Variants in ZCWPW2 observed in about 807,000 individuals in gnomAD.
ZCWPW2 encodes zinc finger CW-type and PWWP domain containing 2, also known as zinc finger CW-type PWWP domain protein 2.
In ZCWPW2, 45 loss-of-function variants were observed where a neutral mutation model predicts 46.6. The ratio of observed to expected loss-of-function variants is 0.96; its 90% CI spans 0.76 to 1.24. ZCWPW2 has a LOEUF of 1.24. Among genes scored for constraint, ZCWPW2 ranks in the 50% most tolerant of loss-of-function variants. The pLI, the probability that ZCWPW2 is intolerant of heterozygous loss-of-function variation, is 0.00. For synonymous variants in ZCWPW2, 152 were observed against 137.1 expected, an observed-to-expected ratio of 1.11 and a Z score of -0.76; for missense variants, 429 against 403.9, an observed-to-expected ratio of 1.06 and a Z score of -0.53.
At chr3:28,443,946 A>G (rs1697874029) in intron 4 of ZCWPW2, among the ~76,000 whole-genome samples, 1 of 152,102 alleles carries the variant, frequency 6.6e-6, no homozygotes, top group African/African-American at 2.4e-5. Flanking sequence ...TCTACATTGA[A>G]CCAAGGGAGA....
chr3:28,379,714 A>G (rs1267321033), intron 1 of ZCWPW2, among the ~76,000 whole-genome samples: 1 of 152,162 alleles, frequency 6.6e-6, no homozygotes. Flanking sequence ...TAAATGGGTG[A>G]CTTTTGTGAA....
chr3:28,523,363 G>T (rs960566798), intron 9 of ZCWPW2, among the ~76,000 whole-genome samples: 8 of 151,994 alleles, frequency 5.3e-5, no homozygotes, highest in East Asian at 1.9e-4. Context: ...AGAAATTTCA[G>T]TTTAAAAGTA....
At position 28,511,960 on chromosome 3, in the gene ZCWPW2, AC is replaced by A. The variant is rs1700438652; in HGVS notation, c.658-2103del. Among the ~76,000 whole-genome samples the A allele has an allele frequency of 2.6e-5, 4 of 152,178 alleles. No individual in the cohort carries two copies. In the South Asian group the frequency reaches 8.3e-4, roughly 31 times the overall value. ...TTCATAATCATGGAAATCAACAATC[AC>A]AAAAAGCAGAGAAAATAGTATTAAA... On this transcript the variant is annotated intron_variant, in intron 6 of 9. Coordinates refer to ENST00000383768, the MANE Select transcript of ZCWPW2 (RefSeq NM_001040432.4).
chr3:28,485,740 T>C (rs552481969), intron 5 of ZCWPW2, among the ~76,000 whole-genome samples: 2 of 152,290 alleles, frequency 1.3e-5, no homozygotes, highest in Admixed American at 1.3e-4. Flanking sequence ...GCATGATATA[T>C]TTTTTCTTTT....
chr3:28,409,422 T>C (rs1459794977), intron 2 of ZCWPW2, among the ~76,000 whole-genome samples: 1 of 152,138 alleles, frequency 6.6e-6, no homozygotes, highest in African/African-American at 2.4e-5. Context: ...GCCCGGCCAC[T>C]GTTTTCTCCC....
At chr3:28,464,520 T>TA (rs570972290) in intron 4 of ZCWPW2, among the ~76,000 whole-genome samples, 27 of 149,478 alleles carry the variant, frequency 1.8e-4, no homozygotes, top group Non-Finnish European at 2.7e-4. Context: ...CACACTGTAG[T>TA]AAAAAAAAAA....
chr3:28,505,282 G>A (rs13061948), intron 6 of ZCWPW2, among the ~76,000 whole-genome samples: 104,359 of 151,972 alleles, frequency 0.69, 35,917 homozygotes, highest in Admixed American at 0.76. Context: ...TGCAGGGAAC[G>A]GCAAGATATT....
intron 6 of ZCWPW2, among the ~76,000 whole-genome samples, chr3:28,512,298 C>T (rs1700448806): frequency 6.6e-6 from 1 of 152,140 alleles, no homozygotes; most frequent in African/African-American, 2.4e-5. Flanking sequence ...GTGCCTCAGC[C>T]TCCCAAGTAG....
At chr3:28,440,658 C>T (rs1559505603) in intron 4 of ZCWPW2, among the ~76,000 whole-genome samples, 1 of 152,136 alleles carries the variant, frequency 6.6e-6, no homozygotes, top group African/African-American at 2.4e-5. Flanking sequence ...ATGGTATGAC[C>T]AGTGAATTTT....
intron 4 of ZCWPW2, among the ~76,000 whole-genome samples, chr3:28,470,426 A>G (rs1165480916): frequency 6.6e-6 from 1 of 151,496 alleles, no homozygotes; most frequent in Non-Finnish European, 1.5e-5. Flanking sequence ...CCACTGAGTC[A>G]GAGGTTGCAG....
At chr3:28,391,340 T>A (rs907417078) in intron 2 of ZCWPW2, among the ~76,000 whole-genome samples, 18 of 141,834 alleles carry the variant, frequency 1.3e-4, no homozygotes, top group Admixed American at 1.2e-3. Flanking sequence ...GTTCCATCAG[T>A]CCCCTCTCCC....
chr3:28,362,792 C>T (rs981155639), intron 1 of ZCWPW2, among the ~76,000 whole-genome samples: 1 of 151,958 alleles, frequency 6.6e-6, no homozygotes, highest in Admixed American at 6.6e-5. Context: ...TTCAGAGTAG[C>T]AAAGACAATG....
intron 5 of ZCWPW2, among the ~76,000 whole-genome samples, chr3:28,481,001 G>A (rs1350462989): frequency 6.6e-6 from 1 of 151,570 alleles, no homozygotes; most frequent in Non-Finnish European, 1.5e-5. Context: ...GAGTAGTTGG[G>A]ATTACAGGCA....
chr3:28,403,100 G>T (rs1419096919), intron 2 of ZCWPW2, among the ~76,000 whole-genome samples: 1 of 152,128 alleles, frequency 6.6e-6, no homozygotes, highest in Non-Finnish European at 1.5e-5. Context: ...TAAAGAGAAA[G>T]TCAAACTGCT....
intron 2 of ZCWPW2, among the ~76,000 whole-genome samples, chr3:28,396,124 C>A (rs1695687196): frequency 1.3e-5 from 2 of 152,110 alleles, no homozygotes; most frequent in African/African-American, 4.8e-5. Flanking sequence ...ATGGATAAAT[C>A]ATGAAACATT....
chr3:28,423,126 G>T (rs1453651429), intron 3 of ZCWPW2, among the ~76,000 whole-genome samples: 1 of 151,898 alleles, frequency 6.6e-6, no homozygotes. Context: ...TATATGTTTT[G>T]CAAATATTTT....
At chr3:28,499,843 ATTAG>A (rs1287061803) in intron 6 of ZCWPW2, among the ~76,000 whole-genome samples, 1 of 151,988 alleles carries the variant, frequency 6.6e-6, no homozygotes, top group African/African-American at 2.4e-5. Flanking sequence ...ATAGACACTT[ATTAG>A]TTATTAATAA....
At chr3:28,431,216 A>G (rs1697242684) in intron 3 of ZCWPW2, among the ~76,000 whole-genome samples, 1 of 152,030 alleles carries the variant, frequency 6.6e-6, no homozygotes, top group East Asian at 1.9e-4. Context: ...AATGAAGCAA[A>G]TATATCTTTG....
intron 4 of ZCWPW2, among the ~76,000 whole-genome samples, chr3:28,445,124 T>C (rs1575143132): frequency 6.6e-6 from 1 of 151,504 alleles, no homozygotes; most frequent in Non-Finnish European, 1.5e-5. Context: ...TTAGTCAGGG[T>C]TCTCTAGAGG....
Sources: gnomAD v4.1 joint callset for allele counts (sites outside exome capture counted in the v4.1 genomes callset) on GRCh38, gnomAD v4.1.1 for gene constraint, MANE v1.5 for transcripts, NCBI Gene and HGNC (gene_info 2026-07-23, HGNC 2026-07-21) for gene names.